The following MTFR2 variants were observed in gnomAD, a reference collection of about 807,000 sequenced individuals.
The protein encoded by MTFR2 is DUF729 domain-containing protein 1.
MTFR2 carries 44 observed loss-of-function variants against 41.2 expected under a neutral mutation model. That is an observed-to-expected ratio of 1.07 (90% CI 0.84 to 1.37). The LOEUF (loss-of-function observed/expected upper bound fraction) is 1.37, where lower values mean the gene tolerates loss of function less well. Among genes scored for constraint, MTFR2 ranks in the 40% most tolerant of loss-of-function variants. The pLI is 0.00. For synonymous variants in MTFR2, 141 were observed against 154.6 expected (o/e 0.91, Z 0.65); for missense variants, 452 against 459.5 (o/e 0.98, Z 0.15).
chr6:136,235,690 T>G (rs960207796), intron 6 of MTFR2, among the ~76,000 whole-genome samples: 3 of 152,082 alleles, frequency 2.0e-5, no homozygotes, highest in African/African-American at 7.2e-5. Flanking sequence ...TCCCAGCACT[T>G]TGGGAGGCCA....
chr6:136,241,404 A>T (rs755863788), intron 5 of MTFR2, 40 bp downstream of exon 5: 1 of 1,531,564 alleles, frequency 6.5e-7, no homozygotes, highest in Non-Finnish European at 8.9e-7. Context: ...CTATACCATG[A>T]GTATCATCTA....
intron 2 of MTFR2, among the ~76,000 whole-genome samples, chr6:136,247,090 C>T (rs937408456): frequency 6.6e-6 from 1 of 152,228 alleles, no homozygotes; most frequent in Non-Finnish European, 1.5e-5. Context: ...GGGCTCACGC[C>T]TGTAATCCCA....
chr6:136,241,090 C>CAAA (rs57165504), intron 5 of MTFR2, among the ~76,000 whole-genome samples: 2 of 63,258 alleles, frequency 3.2e-5, no homozygotes, highest in Non-Finnish European at 3.6e-5. Context: ...GACTGCGTCT[C>CAAA]AAAAAAAAAA....
chr6:136,231,489 A>C (rs1303523820), intron 7 of MTFR2, 101 bp from the exon 8 acceptor site: 1 of 692,304 alleles, frequency 1.4e-6, no homozygotes, highest in Admixed American at 2.7e-5. Flanking sequence ...TTTCATTCAC[A>C]ATATTTATTT....
At chr6:136,234,538 T>TG (rs2128456991) in intron 6 of MTFR2, among the ~76,000 whole-genome samples, 1 of 152,112 alleles carries the variant, frequency 6.6e-6, no homozygotes, top group African/African-American at 2.4e-5. Flanking sequence ...TGGAGTGCAG[T>TG]GGGCAAACAT....
rs150139045 is a variant in MTFR2, at chr6:136,239,883, T to C, written c.515-63A>G. On this transcript the variant is annotated intron_variant, in intron 5 of 7. Transcript: ENST00000420702. Reference sequence around the variant, plus strand: ...TTATCTCTAACGTAATATATATTAATAACACTAATTAGAACCAAAACAGGA... The same window carrying C: ...TTATCTCTAACGTAATATATATTAACAACACTAATTAGAACCAAAACAGGA... 3.8e-5 allele frequency: 52 copies of C among 1,363,694 alleles called. No individual in the cohort carries two copies. The African/African-American group carries it at 5.6e-4, about 15-fold the overall frequency. 84.5% of individuals were successfully genotyped at this position (1,363,694 alleles called of 1,614,324 possible). A position where few individuals can be genotyped will look rare whatever the true frequency, so the allele number is the denominator to read the frequency against.
At position 136,249,088 on chromosome 6, in the gene MTFR2, T is replaced by C. The variant is rs1436454873; in HGVS notation, c.12A>G (p.Ile4Met). Reference sequence around the variant, plus strand: ...CCAGCATCTCTCTTAAGATATTCAGTATGAGAGACATTGATGAAGCAAATA... The same window carrying C: ...CCAGCATCTCTCTTAAGATATTCAGCATGAGAGACATTGATGAAGCAAATA... MSL[I>M]LNILREMLEY... The change falls in exon 2 of 8, where the codon ATA becomes ATG. Residue 4 changes from isoleucine (I) to methionine (M), a missense_variant. Coordinates refer to ENST00000420702, the MANE Select transcript of MTFR2 (RefSeq NM_001099286.3). 1 of 1,590,422 alleles carries C rather than the reference T, an allele frequency of 6.3e-7. No homozygotes were observed. Among genetic ancestry groups the C allele is most frequent in the East Asian group, 2.3e-5 (1 of 43,858 alleles).
chr6:136,248,934 G>A, intron 2 of MTFR2, 103 bp downstream of exon 2: 2 of 978,050 alleles, frequency 2.0e-6, no homozygotes, highest in Non-Finnish European at 3.0e-6. Flanking sequence ...CTAAAAAGAA[G>A]CAACAACTTT....
intron 6 of MTFR2, among the ~76,000 whole-genome samples, chr6:136,235,588 C>A (rs1038076626): frequency 2.0e-5 from 3 of 152,124 alleles, no homozygotes; most frequent in Non-Finnish European, 2.9e-5. Flanking sequence ...GAAGGAATAG[C>A]TGATGAGGTC....
At position 136,231,687 on chromosome 6, in the gene MTFR2, A is replaced by C. The variant is rs1019162346; in HGVS notation, c.1045-299T>G. ...AACTATGTAAAAAAAAAAAAAAAAA[A>C]AAAAAGAAGATTATCTAAAATACTT... is the stretch of plus-strand genomic sequence containing the variant. On this transcript the variant is annotated intron_variant, in intron 7 of 7. Coordinates refer to ENST00000420702, the MANE Select transcript of MTFR2 (RefSeq NM_001099286.3). Among the ~76,000 whole-genome samples, 8 of 151,224 alleles carry C rather than the reference A, an allele frequency of 5.3e-5. No individual in the cohort carries two copies. The East Asian group carries it at 1.4e-3, about 26-fold the overall frequency.
At chr6:136,249,604 G>T (rs920880370) in intron 1 of MTFR2, among the ~76,000 whole-genome samples, 16 of 152,092 alleles carry the variant, frequency 1.1e-4, no homozygotes, top group African/African-American at 3.9e-4. Flanking sequence ...ACGTGTCAAG[G>T]GTGGGGCCAG....
chr6:136,239,638 A>G lies in MTFR2; in HGVS notation c.697T>C (p.Ser233Pro). 6.2e-7 allele frequency: 1 copy of G among 1,614,012 alleles called. No homozygotes were observed. The highest frequency in any genetic ancestry group is 1.1e-5 in the South Asian group (1 of 91,074). Residue 233 changes from serine to proline, a missense_variant, in exon 6 of 8, where the codon TCT becomes CCT. Transcript: ENST00000420702. Reference protein sequence around the residue: ...PPCFPPVQPGSNNICDSDNPA... With the variant: ...PPCFPPVQPGPNNICDSDNPA... Reference sequence around the variant, plus strand: ...TTATCTGAGTCACAAATATTATTAGATCCTGGTTGTACGGGAGGAAAACAC... The same window carrying G: ...TTATCTGAGTCACAAATATTATTAGGTCCTGGTTGTACGGGAGGAAAACAC...
At position 136,239,492 on chromosome 6, in the gene MTFR2, A is replaced by T. The variant is rs1345087900; in HGVS notation, c.843T>A (p.Asn281Lys). 10 of 1,612,612 alleles carry T rather than the reference A, an allele frequency of 6.2e-6. No individual in the cohort carries two copies. The highest frequency in any genetic ancestry group is 8.5e-6 in the Non-Finnish European group (10 of 1,178,916). ...GCTCAATTGCACGAAGCTTAACCTTATTCATATCCTTTAGAACGTCCAACA... is the reference window on the plus strand; with the variant it reads ...GCTCAATTGCACGAAGCTTAACCTTTTTCATATCCTTTAGAACGTCCAACA... Reference protein sequence around the residue: ...PNMLDVLKDMNKVKLRAIERS... With the variant: ...PNMLDVLKDMKKVKLRAIERS... The change falls in exon 6 of 8, where the codon AAT (asparagine) becomes AAA (lysine). Residue 281 changes from asparagine to lysine, a missense_variant. Physicochemically the swap from Asn to Lys is moderately conservative, Grantham distance 94 (BLOSUM62 0). Coordinates refer to ENST00000420702, the MANE Select transcript of MTFR2 (RefSeq NM_001099286.3).
intron 6 of MTFR2, among the ~76,000 whole-genome samples, chr6:136,235,585 T>C (rs566417077): frequency 6.6e-6 from 1 of 151,498 alleles, no homozygotes; most frequent in Non-Finnish European, 1.5e-5. Flanking sequence ...TAAGAAGGAA[T>C]AGCTGATGAG....
In MTFR2 at chr6:136,244,846, T is replaced by C; in HGVS notation, c.87A>G (p.Lys29=). 1 of 1,610,752 alleles carries C rather than the reference T, an allele frequency of 6.2e-7. No homozygotes were observed. Among genetic ancestry groups the C allele is most frequent in the Non-Finnish European group, 8.5e-7 (1 of 1,178,792 alleles). The part of the protein sequence containing the change: ...VEQVLLIWEN[K]DYGSTRSIVR... ...CAATACTCCTAGTTGATCCATAGTC[T>C]TTATTTTCCCAAATCAGCAAAACCT... The change falls in exon 3 of 8, where the codon AAA becomes AAG. Residue 29 remains lysine (K), a synonymous_variant. Coordinates refer to ENST00000420702, the MANE Select transcript of MTFR2 (RefSeq NM_001099286.3).
At chr6:136,240,819 C>A (rs113017483) in intron 5 of MTFR2, among the ~76,000 whole-genome samples, 3 of 151,174 alleles carry the variant, frequency 2.0e-5, no homozygotes, top group Non-Finnish European at 4.4e-5. Flanking sequence ...GGGCCGGGCG[C>A]GGTGGCTCAC....
In MTFR2 at chr6:136,239,742, G is replaced by A; in HGVS notation, c.593C>T (p.Pro198Leu). The A allele has an allele frequency of 6.2e-7, 1 of 1,614,084 alleles. No individual in the cohort carries two copies. Among genetic ancestry groups the A allele is most frequent in the African/African-American group, 1.3e-5 (1 of 75,008 alleles). ...SSRAAHLSVD[P>L]DQLPGSVLSP... ...AAGCACTGAACCTGGAAGCTGATCTGGGTCCACACTCAGATGGGCAGCCCG... is the reference window on the plus strand; with the variant it reads ...AAGCACTGAACCTGGAAGCTGATCTAGGTCCACACTCAGATGGGCAGCCCG... Residue 198 changes from proline to leucine, a missense_variant, in exon 6 of 8, where the codon CCA becomes CTA. By Grantham distance (98) the Pro-to-Leu change is moderately conservative. Transcript: ENST00000420702.
rs961668792 is a variant in MTFR2 at position 136,240,968 on chromosome 6, G to A, written c.514+476C>T. On this transcript the variant is annotated intron_variant, in intron 5 of 7. Transcript: ENST00000420702. ...TAGCCGAGCGTGGTGGCGGGCGCCT[G>A]TAGTCCCAGCTACTCGAGAGGCTGA... Among the ~76,000 whole-genome samples the A allele has an allele frequency of 5.9e-5, 9 of 152,224 alleles. No individual in the cohort carries two copies. The South Asian group carries it at 1.5e-3, about 25-fold the overall frequency.
In MTFR2 at chr6:136,235,825, G is replaced by A. The variant is rs9483918; in HGVS notation, c.870-2326C>T. 5.5e-3 allele frequency among the ~76,000 whole-genome samples: 831 copies of A among 152,246 alleles called. 8 individuals are homozygous for A. Among genetic ancestry groups the A allele is most frequent in the African/African-American group, 0.019 (781 of 41,554 alleles). On this transcript the variant is annotated intron_variant, in intron 6 of 7. Transcript: ENST00000420702. ...CACATGCCTGTAGTCCCAGCTACTC[G>A]GGAGGCCGAGGCAGGAGAATCACTT...
Sources: gnomAD v4.1 joint callset for allele counts (sites outside exome capture counted in the v4.1 genomes callset) on GRCh38, gnomAD v4.1.1 for gene constraint, MANE v1.5 for transcripts, NCBI Gene and HGNC (gene_info 2026-07-23, HGNC 2026-07-21) for gene names.